SMIM38: variants seen among roughly 807,000 people sequenced by gnomAD.
The protein encoded by SMIM38 is small integral membrane protein 38.
Position 69,157,615 on chromosome 11 carries a change from A to G in SMIM38, c.-232A>G. 1 of 386,982 alleles carries G rather than the reference A, an allele frequency of 2.6e-6. No homozygotes were observed. Among genetic ancestry groups the G allele is most frequent in the East Asian group, 3.7e-5 (1 of 27,200 alleles). The allele number at this position is 386,982 out of a possible 1,614,324, so 24.0% of individuals were successfully genotyped here. A position where few individuals can be genotyped will look rare whatever the true frequency, so the allele number is the denominator to read the frequency against. ...TCCCCAGTCTGTCCTCTCACATGCC[A>G]GGGAGGCCCCGGGCTGGAGTCTGGC... On this transcript the variant is annotated 5_prime_UTR_variant, in exon 2 of 3. Transcript: ENST00000686237.
rs1857006495 is a variant in SMIM38, at chr11:69,157,637, T to C, written c.-210T>C. ...GCCAGGGAGGCCCCGGGCTGGAGTC[T>C]GGCGGGCAGATCTGGCCTGCTTGGT... On this transcript the variant is annotated 5_prime_UTR_variant, in exon 2 of 3. Transcript: ENST00000686237. The C allele has an allele frequency of 7.6e-6, 3 of 393,222 alleles. No individual in the cohort carries two copies. The highest frequency in any genetic ancestry group is 1.3e-5 in the Non-Finnish European group (3 of 223,236). The allele number at this position is 393,222 out of a possible 1,614,324, so 24.4% of individuals were successfully genotyped here.
rs2134701573 is a variant in SMIM38 at position 69,160,131 on chromosome 11, A to G, written c.*2035A>G. On this transcript the variant is annotated 3_prime_UTR_variant, in exon 3 of 3. Coordinates refer to ENST00000686237, the MANE Select transcript of SMIM38 (RefSeq NM_001369201.2). Reference sequence around the variant, plus strand: ...TGGGTGTGTAGGATGGCACCTACACACATACCTGAGGTCACCTCTTGGTCC... The same window carrying G: ...TGGGTGTGTAGGATGGCACCTACACGCATACCTGAGGTCACCTCTTGGTCC... 1 of 151,616 alleles carries G rather than the reference A, an allele frequency of 6.6e-6. No individual in the cohort carries two copies. Among genetic ancestry groups the G allele is most frequent in the East Asian group, 1.9e-4 (1 of 5,142 alleles). 9.4% of individuals were successfully genotyped at this position (151,616 alleles called of 1,614,324 possible).
In SMIM38 at chr11:69,157,611, T is replaced by C. The variant is rs907074544; in HGVS notation, c.-236T>C. On this transcript the variant is annotated 5_prime_UTR_variant, in exon 2 of 3. An upstream start codon of the reference 5' UTR is lost. Coordinates refer to ENST00000686237, the MANE Select transcript of SMIM38 (RefSeq NM_001369201.2). ...GTCGTCCCCAGTCTGTCCTCTCACA[T>C]GCCAGGGAGGCCCCGGGCTGGAGTC... The C allele has an allele frequency of 1.3e-5, 5 of 385,514 alleles. No individual in the cohort carries two copies. The highest frequency in any genetic ancestry group is 8.3e-5 in the African/African-American group (4 of 48,364). 23.9% of individuals were successfully genotyped at this position (385,514 alleles called of 1,614,324 possible). A position where few individuals can be genotyped will look rare whatever the true frequency, so the allele number is the denominator to read the frequency against.
chr11:69,159,796 A>G lies in SMIM38; in HGVS notation c.*1700A>G, dbSNP rs1857034947. ...TAGGATTGTGGGGAGGGATATTCTC[A>G]TTGATCTCTAAGGAAAATATTGTTC... On this transcript the variant is annotated 3_prime_UTR_variant, in exon 3 of 3. Coordinates refer to ENST00000686237, the MANE Select transcript of SMIM38 (RefSeq NM_001369201.2). 6.6e-6 allele frequency: 1 copy of G among 152,192 alleles called. No individual in the cohort carries two copies. Among genetic ancestry groups the G allele is most frequent in the Non-Finnish European group, 1.5e-5 (1 of 68,046 alleles). 9.4% of individuals were successfully genotyped at this position (152,192 alleles called of 1,614,324 possible).
rs571794527 is a variant in SMIM38, at chr11:69,158,039, G to A, written c.*37G>A. 7.5e-5 allele frequency: 30 copies of A among 398,760 alleles called. No homozygotes were observed. The highest frequency in any genetic ancestry group is 5.5e-4 in the African/African-American group (27 of 48,756). The allele number at this position is 398,760 out of a possible 1,614,324, so 24.7% of individuals were successfully genotyped here. On this transcript the variant is annotated 3_prime_UTR_variant, in exon 2 of 3. Coordinates refer to ENST00000686237, the MANE Select transcript of SMIM38 (RefSeq NM_001369201.2). ...CTGCGGCCTCCACGCGCCCTGTCCC[G>A]AGACTCAGCCGGCCCTTCCAGTGGT...
rs1857055017 is a variant in SMIM38 at position 69,161,663 on chromosome 11, A to T, written c.*3567A>T. ...CTCTGCTCACAGCTGGTAGCCACAG[A>T]TGTAAACCGTAGCCCATGGAACGGA... On this transcript the variant is annotated 3_prime_UTR_variant, in exon 3 of 3. Coordinates refer to ENST00000686237, the MANE Select transcript of SMIM38 (RefSeq NM_001369201.2). 6.6e-6 allele frequency: 1 copy of T among 152,236 alleles called. No individual in the cohort carries two copies. The highest frequency in any genetic ancestry group is 1.5e-5 in the Non-Finnish European group (1 of 68,052). 9.4% of individuals were successfully genotyped at this position (152,236 alleles called of 1,614,324 possible). A position where few individuals can be genotyped will look rare whatever the true frequency, so the allele number is the denominator to read the frequency against.
Position 69,160,186 on chromosome 11 carries a change from CTTTTTTTTT to C in SMIM38, c.*2100_*2108del, listed in dbSNP as rs36013412. ...AGCCAGAATCCTGGGACTTCATCAT[CTTTTTTTTT>C]TTTTTTTTTGAGATGGAATCTCACT... On this transcript the variant is annotated 3_prime_UTR_variant, in exon 3 of 3. Transcript: ENST00000686237. 7.8e-6 allele frequency: 1 copy of C among 128,634 alleles called. No individual in the cohort carries two copies. Among genetic ancestry groups the C allele is most frequent in the Non-Finnish European group, 1.6e-5 (1 of 61,472 alleles). 8.0% of individuals were successfully genotyped at this position (128,634 alleles called of 1,614,324 possible).
chr11:69,160,790 C>T lies in SMIM38; in HGVS notation c.*2694C>T, dbSNP rs1356934137. 2.0e-5 allele frequency: 3 copies of T among 152,180 alleles called. No individual in the cohort carries two copies. Among genetic ancestry groups the T allele is most frequent in the African/African-American group, 2.4e-5 (1 of 41,432 alleles). The allele number at this position is 152,180 out of a possible 1,614,324, so 9.4% of individuals were successfully genotyped here. ...GCATCTCCAGCCTTGTGACGCAGTGCCTGGCTCAGAACAGGCAATCAGGCC... is the reference window on the plus strand; with the variant it reads ...GCATCTCCAGCCTTGTGACGCAGTGTCTGGCTCAGAACAGGCAATCAGGCC... On this transcript the variant is annotated 3_prime_UTR_variant, in exon 3 of 3. Coordinates refer to ENST00000686237, the MANE Select transcript of SMIM38 (RefSeq NM_001369201.2).
rs3019763 is a variant in SMIM38, at chr11:69,160,913, A to G, written c.*2817A>G. 3.9e-5 allele frequency: 6 copies of G among 152,334 alleles called. No homozygotes were observed. Among genetic ancestry groups the G allele is most frequent in the African/African-American group, 9.6e-5 (4 of 41,580 alleles). 9.4% of individuals were successfully genotyped at this position (152,334 alleles called of 1,614,324 possible). The stretch of plus-strand genomic sequence containing the variant: ...CAGACACGTAGACAAACAGTGGCTT[A>G]AAAAAGAGAGGCTTTAAAAGTATTT... On this transcript the variant is annotated 3_prime_UTR_variant, in exon 3 of 3. Coordinates refer to ENST00000686237, the MANE Select transcript of SMIM38 (RefSeq NM_001369201.2).
Position 69,158,729 on chromosome 11 carries a change from A to G in SMIM38, c.*727A>G, listed in dbSNP as rs1289375485. On this transcript the variant is annotated 3_prime_UTR_variant, in exon 2 of 3. Transcript: ENST00000686237. ...TGCCCTCTGTTCATCTGTTCCTGCA[A>G]GTGTGTGGCTGGGAAGTGCCCAGGA... The G allele has an allele frequency of 1.3e-5, 2 of 152,328 alleles. No homozygotes were observed. Among genetic ancestry groups the G allele is most frequent in the African/African-American group, 2.4e-5 (1 of 41,440 alleles). The allele number at this position is 152,328 out of a possible 1,614,324, so 9.4% of individuals were successfully genotyped here.
At position 69,161,718 on chromosome 11, in the gene SMIM38, A is replaced by G. The variant is rs1393651992; in HGVS notation, c.*3622A>G. 3 of 152,202 alleles carry G rather than the reference A, an allele frequency of 2.0e-5. No homozygotes were observed. Among genetic ancestry groups the G allele is most frequent in the Non-Finnish European group, 4.4e-5 (3 of 68,044 alleles). 9.4% of individuals were successfully genotyped at this position (152,202 alleles called of 1,614,324 possible). A position where few individuals can be genotyped will look rare whatever the true frequency, so the allele number is the denominator to read the frequency against. On this transcript the variant is annotated 3_prime_UTR_variant, in exon 3 of 3. Transcript: ENST00000686237. The stretch of plus-strand genomic sequence containing the variant: ...GTGAAGAATTGATGGATAAATGAAT[A>G]ATGATGATGGACAGCAGATGTATAA...
chr11:69,160,829 G>T lies in SMIM38; in HGVS notation c.*2733G>T, dbSNP rs1857047296. 1 of 152,258 alleles carries T rather than the reference G, an allele frequency of 6.6e-6. No individual in the cohort carries two copies. Among genetic ancestry groups the T allele is most frequent in the South Asian group, 2.1e-4 (1 of 4,826 alleles). 9.4% of individuals were successfully genotyped at this position (152,258 alleles called of 1,614,324 possible). ...GGCAATCAGGCCATGGCATCTGAATGAATGAGAGGGTGTGCCCTGGCCGTA... is the reference window on the plus strand; with the variant it reads ...GGCAATCAGGCCATGGCATCTGAATTAATGAGAGGGTGTGCCCTGGCCGTA... On this transcript the variant is annotated 3_prime_UTR_variant, in exon 3 of 3. Transcript: ENST00000686237.
rs1047656417 is a variant in SMIM38, at chr11:69,157,973, C to T, written c.127C>T (p.Arg43Trp). Reference sequence around the variant, plus strand: ...CTACATCGACTACAGACTGGCCCAGCGGCGGCCCCAGAAACCCAAGCAGGA... The same window carrying T: ...CTACATCGACTACAGACTGGCCCAGTGGCGGCCCCAGAAACCCAAGCAGGA... ...GTYIDYRLAQ[R>W]RPQKPKQD Residue 43 changes from arginine (R) to tryptophan (W), a missense_variant, in exon 2 of 3, where the codon CGG (arginine) becomes TGG (tryptophan). Transcript: ENST00000686237. 5.0e-6 allele frequency: 2 copies of T among 398,768 alleles called. No individual in the cohort carries two copies. The highest frequency in any genetic ancestry group is 8.8e-6 in the Non-Finnish European group (2 of 226,304). 24.7% of individuals were successfully genotyped at this position (398,768 alleles called of 1,614,324 possible).
Position 69,157,713 on chromosome 11 carries a change from C to G in SMIM38, c.-134C>G, listed in dbSNP as rs1159172166. 1 of 397,054 alleles carries G rather than the reference C, an allele frequency of 2.5e-6. No homozygotes were observed. The allele number at this position is 397,054 out of a possible 1,614,324, so 24.6% of individuals were successfully genotyped here. A position where few individuals can be genotyped will look rare whatever the true frequency, so the allele number is the denominator to read the frequency against. On this transcript the variant is annotated 5_prime_UTR_variant, in exon 2 of 3. Transcript: ENST00000686237. ...CTTGGGGGCGCCGGCTGCAGAGGCC[C>G]CAGGCTGGACGGAGCTTCCTGTCCT... is the stretch of plus-strand genomic sequence containing the variant.
intron 1 of SMIM38, among the ~76,000 whole-genome samples, chr11:69,156,437 G>A (rs1287263579): frequency 6.6e-6 from 1 of 152,204 alleles, no homozygotes; most frequent in Non-Finnish European, 1.5e-5. Context: ...GGAGTTAGAG[G>A]GGGCAGTTCT....
At chr11:69,156,552 G>A (rs976626757) in intron 1 of SMIM38, among the ~76,000 whole-genome samples, 6 of 151,334 alleles carry the variant, frequency 4.0e-5, no homozygotes, top group East Asian at 2.0e-4. Flanking sequence ...GTGTGCACAC[G>A]TGTGAGTCTG....
In SMIM38 at chr11:69,156,784, G is replaced by A. The variant is rs1443415533; in HGVS notation, c.-673-390G>A. Among the ~76,000 whole-genome samples the A allele has an allele frequency of 2.0e-5, 3 of 152,328 alleles. No individual in the cohort carries two copies. In the East Asian group the frequency reaches 5.8e-4, roughly 29 times the overall value. On this transcript the variant is annotated intron_variant, in intron 1 of 2. Coordinates refer to ENST00000686237, the MANE Select transcript of SMIM38 (RefSeq NM_001369201.2). ...TAATCCTTCAAAGCAGGAGGTATTT[G>A]CTTCACTTTCTAAGGCAGGATCTGC...
chr11:69,159,786 G>A lies in SMIM38; in HGVS notation c.*1690G>A, dbSNP rs954264549. On this transcript the variant is annotated 3_prime_UTR_variant, in exon 3 of 3. Coordinates refer to ENST00000686237, the MANE Select transcript of SMIM38 (RefSeq NM_001369201.2). ...CGCCTGATCGTAGGATTGTGGGGAG[G>A]GATATTCTCATTGATCTCTAAGGAA... is the stretch of plus-strand genomic sequence containing the variant. The A allele has an allele frequency of 9.2e-5, 14 of 152,092 alleles. No individual in the cohort carries two copies. Among genetic ancestry groups the A allele is most frequent in the African/African-American group, 3.4e-4 (14 of 41,402 alleles). 9.4% of individuals were successfully genotyped at this position (152,092 alleles called of 1,614,324 possible). A position where few individuals can be genotyped will look rare whatever the true frequency, so the allele number is the denominator to read the frequency against.
intron 1 of SMIM38, among the ~76,000 whole-genome samples, chr11:69,156,508 G>T (rs76088757): frequency 6.6e-6 from 1 of 152,188 alleles, no homozygotes; most frequent in African/African-American, 2.4e-5. Flanking sequence ...GACTTGGGGG[G>T]CAGAGCCTGT....
Sources: allele counts gnomAD v4.1 joint callset (sites outside exome capture counted in the v4.1 genomes callset), GRCh38; gene constraint gnomAD v4.1.1; transcripts MANE v1.5; gene names NCBI Gene and HGNC (gene_info 2026-07-23, HGNC 2026-07-21).